BPTF: variants seen among roughly 807,000 people sequenced by gnomAD.
BPTF encodes bromodomain PHD finger transcription factor.
In BPTF, 18 loss-of-function variants were observed where a neutral mutation model predicts 292.5. That is an observed-to-expected ratio of 0.06 (90% CI 0.04 to 0.09). The LOEUF (loss-of-function observed/expected upper bound fraction) is 0.09, where lower values mean the gene tolerates loss of function less well. BPTF is among the 10% of genes least tolerant of loss of function. The probability of loss-of-function intolerance (pLI) is 1.00; values close to 1 mark genes in which losing one functional copy is unlikely to be tolerated. For synonymous variants in BPTF, 1,225 were observed against 1,251.9 expected (o/e 0.98, Z 0.45); for missense variants, 2,726 against 3,498.7 (o/e 0.78, Z 5.57).
intron 13 of BPTF, among the ~76,000 whole-genome samples, chr17:67,922,042 C>A (rs59596149): frequency 0.017 from 2,593 of 151,604 alleles, 64 homozygotes; most frequent in African/African-American, 0.055. Context: ...AAAAAAAAAA[C>A]AAAATCACAA....
Position 67,861,844 on chromosome 17 carries a change from C to T in BPTF, c.1437-4620C>T, listed in dbSNP as rs575338010. On this transcript the variant is annotated intron_variant, in intron 2 of 27. Transcript: ENST00000306378. ...AAACCTGTTGGCTAACTAGCTCATT[C>T]TTGAGGTCTCAGCCTATTTATGCTA... Among the ~76,000 whole-genome samples the T allele has an allele frequency of 3.3e-5, 5 of 152,326 alleles. No homozygotes were observed. In the South Asian group the frequency reaches 1.0e-3, roughly 32 times the overall value.
chr17:67,974,308 G>A (rs1198279943), intron 26 of BPTF: 1 of 151,522 alleles, frequency 6.6e-6, no homozygotes, highest in African/African-American at 2.4e-5. Context: ...AAACAAACTT[G>A]TTTTCCTGTG....
At chr17:67,917,130 C>CTTTTTTTTTTTTTTTTTTTTTT (rs58342878) in intron 11 of BPTF, among the ~76,000 whole-genome samples, 1 of 94,224 alleles carries the variant, frequency 1.1e-5, no homozygotes, top group Non-Finnish European at 1.9e-5. Flanking sequence ...ATGGTATTGT[C>CTTTTTTTTTTTTTTTTTTTTTT]CTTTTTTTTT....
intron 26 of BPTF, among the ~76,000 whole-genome samples, chr17:67,972,490 C>T (rs115709814): frequency 1.5e-4 from 23 of 152,162 alleles, no homozygotes; most frequent in East Asian, 1.4e-3. Flanking sequence ...GTAATCCGTC[C>T]GCCTCTGCCT....
At chr17:67,866,096 G>T (rs536129997) in intron 2 of BPTF, among the ~76,000 whole-genome samples, 1 of 152,030 alleles carries the variant, frequency 6.6e-6, no homozygotes, top group African/African-American at 2.4e-5. Flanking sequence ...ACTCTAGCCC[G>T]GGCGACAGAG....
chr17:67,973,037 T>TTATA (rs202136205), intron 26 of BPTF, among the ~76,000 whole-genome samples: 3 of 143,090 alleles, frequency 2.1e-5, no homozygotes, highest in South Asian at 2.2e-4. Flanking sequence ...ATATATATAT[T>TTATA]TATATATATA....
chr17:67,897,373 T>C (rs375814587), intron 7 of BPTF, among the ~76,000 whole-genome samples: 6 of 96,390 alleles, frequency 6.2e-5, no homozygotes, highest in African/African-American at 2.4e-4. Flanking sequence ...AAAAAAAAAG[T>C]AAAGAAAGAG....
intron 3 of BPTF, among the ~76,000 whole-genome samples, chr17:67,871,441 CAAAAAA>C (rs751011017): frequency 2.5e-5 from 2 of 80,146 alleles, no homozygotes; most frequent in East Asian, 2.9e-4. Context: ...ACTTTGTCTC[CAAAAAA>C]AAAAAAAAAA....
chr17:67,884,421 CT>C (rs60432162), intron 4 of BPTF, among the ~76,000 whole-genome samples: 48,843 of 146,082 alleles, frequency 0.33, 9,815 homozygotes, highest in East Asian at 0.66. Flanking sequence ...TGGCCCCTCC[CT>C]TTTTTTTTTT....
chr17:67,924,660 C>G, intron 15 of BPTF, 71 bp downstream of exon 15: 1 of 1,540,296 alleles, frequency 6.5e-7, no homozygotes, highest in Non-Finnish European at 8.8e-7. Context: ...AAGCACTTGA[C>G]CTCCCATCAG....
intron 24 of BPTF, chr17:67,960,520 G>A (rs1419873168): frequency 6.6e-6 from 1 of 152,144 alleles, no homozygotes; most frequent in Non-Finnish European, 1.5e-5. Context: ...TGTATTTGGT[G>A]ATATAAACAA....
At chr17:67,922,351 C>T (rs1272494178) in intron 13 of BPTF, among the ~76,000 whole-genome samples, 1 of 152,168 alleles carries the variant, frequency 6.6e-6, no homozygotes, top group Non-Finnish European at 1.5e-5. Context: ...GGTTTCACAT[C>T]TCCACTTTAT....
intron 1 of BPTF, among the ~76,000 whole-genome samples, chr17:67,853,458 G>A (rs967283450): frequency 6.6e-6 from 1 of 152,170 alleles, no homozygotes; most frequent in Non-Finnish European, 1.5e-5. Flanking sequence ...TGGGAACTTC[G>A]TGTCTGGTTG....
At chr17:67,938,528 A>G (rs546341790) in intron 18 of BPTF, among the ~76,000 whole-genome samples, 17 of 152,336 alleles carry the variant, frequency 1.1e-4, no homozygotes, top group Admixed American at 9.2e-4. Flanking sequence ...AAGCAACACA[A>G]ATAGTTACAG....
chr17:67,897,718 C>T (rs919086106), intron 7 of BPTF, among the ~76,000 whole-genome samples: 2 of 152,076 alleles, frequency 1.3e-5, no homozygotes, highest in African/African-American at 2.4e-5. Context: ...TTAAGGTGAT[C>T]GCAGGACCAG....
chr17:67,925,051 G>GTT (rs59056539), intron 15 of BPTF, among the ~76,000 whole-genome samples: 29 of 126,118 alleles, frequency 2.3e-4, no homozygotes, highest in South Asian at 5.1e-4. Context: ...ACCCATCCAG[G>GTT]TTTTTTTTTT....
chr17:67,893,869 G>A (rs1193186954), intron 6 of BPTF, 144 bp downstream of exon 6: 48 of 1,124,974 alleles, frequency 4.3e-5, no homozygotes, highest in Non-Finnish European at 6.1e-5. Flanking sequence ...AGAGGCATGA[G>A]TGTACTTCTA....
At chr17:67,935,354 G>C (rs1039743643) in intron 18 of BPTF, among the ~76,000 whole-genome samples, 30 of 152,132 alleles carry the variant, frequency 2.0e-4, no homozygotes, top group African/African-American at 7.2e-4. Flanking sequence ...ATGGGCCCAA[G>C]AGGTCAAGGC....
chr17:67,917,131 C>G (rs1045080223), intron 11 of BPTF, among the ~76,000 whole-genome samples: 2 of 105,808 alleles, frequency 1.9e-5, no homozygotes, highest in East Asian at 4.1e-4. Context: ...TGGTATTGTC[C>G]TTTTTTTTTT....
Sources: allele counts gnomAD v4.1 joint callset (sites outside exome capture counted in the v4.1 genomes callset), GRCh38; gene constraint gnomAD v4.1.1; transcripts MANE v1.5; gene names NCBI Gene and HGNC (gene_info 2026-07-23, HGNC 2026-07-21).